The following BFSP1 variants were observed in gnomAD, a reference collection of about 807,000 sequenced individuals.
BFSP1 encodes the protein filensin.
BFSP1 carries 38 observed loss-of-function variants against 43.9 expected under a neutral mutation model. That is an observed-to-expected ratio of 0.87 (90% CI 0.67 to 1.14). BFSP1 has a LOEUF of 1.14. BFSP1 is among the 50% of genes most tolerant of loss of function. BFSP1 has a pLI of 0.00. For missense variants in BFSP1, 850 were observed against 875.1 expected, an observed-to-expected ratio of 0.97 and a Z score of 0.36; for synonymous variants, 352 against 354.8, an observed-to-expected ratio of 0.99 and a Z score of 0.09.
intron 3 of BFSP1, among the ~76,000 whole-genome samples, chr20:17,514,005 C>T (rs1379916476): frequency 6.6e-6 from 1 of 152,224 alleles, no homozygotes; most frequent in Non-Finnish European, 1.5e-5. Context: ...CAACACCCCA[C>T]TACAGGCGGA....
At chr20:17,509,042 GA>G in intron 4 of BFSP1, 46 bp from the exon 5 acceptor site, 6 of 1,415,772 alleles carry the variant, frequency 4.2e-6, no homozygotes, top group East Asian at 2.6e-5. Flanking sequence ...ATGCAGAGAG[GA>G]AAAGGGCAGA....
At chr20:17,566,309 TG>T (rs2035119020) in intron 1 of BFSP1, among the ~76,000 whole-genome samples, 1 of 152,200 alleles carries the variant, frequency 6.6e-6, no homozygotes, top group Non-Finnish European at 1.5e-5. Context: ...TCCTCGTTAA[TG>T]TATCATTTCT....
In BFSP1 at chr20:17,514,742, C is replaced by T. The variant is rs371432346; in HGVS notation, c.513G>A (p.Ala171=). The part of the protein sequence containing the change: ...EAQFLQDDIS[A]AKDRHKKNLL... ...TTACCTTCTTGTGCCTGTCCTTTGCCGCACTGATATCATCTTGCAGAAATT... is the reference window on the plus strand; with the variant it reads ...TTACCTTCTTGTGCCTGTCCTTTGCTGCACTGATATCATCTTGCAGAAATT... Residue 171 remains alanine, a synonymous_variant, in exon 3 of 8, where the codon GCG becomes GCA. Coordinates refer to ENST00000377873, the MANE Select transcript of BFSP1 (RefSeq NM_001195.5). 4.2e-5 allele frequency: 68 copies of T among 1,613,984 alleles called. No individual in the cohort carries two copies. The highest frequency in any genetic ancestry group is 1.3e-4 in the Admixed American group (8 of 60,012).
chr20:17,535,273 G>A (rs529759407), upstream of BFSP1, among the ~76,000 whole-genome samples: 103 of 152,240 alleles, frequency 6.8e-4, 1 homozygote, highest in African/African-American at 2.4e-3. Flanking sequence ...GCTCACGCCT[G>A]TAATCCCAGC....
At chr20:17,550,648 T>C (rs996785317) in intron 1 of BFSP1, among the ~76,000 whole-genome samples, 3 of 152,020 alleles carry the variant, frequency 2.0e-5, no homozygotes, top group Non-Finnish European at 2.9e-5. Flanking sequence ...AATTTTTGTA[T>C]TTTTAGTAGA....
At chr20:17,526,118 T>TTTTTCTG (rs2034414124) in intron 1 of BFSP1, among the ~76,000 whole-genome samples, 1 of 120,842 alleles carries the variant, frequency 8.3e-6, no homozygotes, top group Non-Finnish European at 1.7e-5. Flanking sequence ...CCAGTATCAC[T>TTTTTCTG]TTTTCTGTTT....
intron 1 of BFSP1, among the ~76,000 whole-genome samples, chr20:17,543,826 A>G (rs1481399539): frequency 3.3e-5 from 5 of 152,242 alleles, no homozygotes; most frequent in Admixed American, 1.3e-4. Context: ...TAAATCCTTC[A>G]TGACCCATTA....
intron 5 of BFSP1, chr20:17,506,759 G>A (rs6034838): frequency 0.44 from 66,708 of 151,874 alleles, 15,287 homozygotes; most frequent in African/African-American, 0.59. Context: ...TCCTGGACTC[G>A]AGCAGTCCAC....
upstream of BFSP1, chr20:17,560,455 C>G (rs1225892693): frequency 6.6e-6 from 1 of 152,216 alleles, no homozygotes; most frequent in Non-Finnish European, 1.5e-5. Context: ...CCCAAGGGAA[C>G]TTGGGCCAAG....
chr20:17,504,605 G>A (rs1322922233), intron 5 of BFSP1, among the ~76,000 whole-genome samples: 1 of 152,218 alleles, frequency 6.6e-6, no homozygotes, highest in Non-Finnish European at 1.5e-5. Flanking sequence ...TTCCAGAAAG[G>A]AGAGAAGGAA....
upstream of BFSP1, among the ~76,000 whole-genome samples, chr20:17,532,958 A>C (rs141379616): frequency 6.6e-6 from 1 of 152,140 alleles, no homozygotes; most frequent in Non-Finnish European, 1.5e-5. Flanking sequence ...TTACACCAAA[A>C]TATTACCTCA....
chr20:17,545,313 T>TCAA (rs1359093109), intron 1 of BFSP1, among the ~76,000 whole-genome samples: 1 of 152,194 alleles, frequency 6.6e-6, no homozygotes, highest in African/African-American at 2.4e-5. Flanking sequence ...TAACTGGTTG[T>TCAA]GATGGTTATC....
At chr20:17,549,254 T>TAG (rs2034856551) in intron 1 of BFSP1, among the ~76,000 whole-genome samples, 1 of 152,222 alleles carries the variant, frequency 6.6e-6, no homozygotes, top group Non-Finnish European at 1.5e-5. Flanking sequence ...CCTGGTTGTA[T>TAG]TAGTCTGTAC....
chr20:17,559,363 C>G (rs187601163), upstream of BFSP1, among the ~76,000 whole-genome samples: 4 of 152,314 alleles, frequency 2.6e-5, no homozygotes, highest in African/African-American at 9.6e-5. Flanking sequence ...GGATACTTCA[C>G]GAATTGCTAA....
chr20:17,551,872 C>T (rs953287362), intron 1 of BFSP1, among the ~76,000 whole-genome samples: 1 of 151,968 alleles, frequency 6.6e-6, no homozygotes, highest in African/African-American at 2.4e-5. Context: ...GTAATCCCAG[C>T]TATTCAGGAG....
chr20:17,563,885 T>TA (rs998399781), upstream of BFSP1, among the ~76,000 whole-genome samples: 4,348 of 90,650 alleles, frequency 0.048, 88 homozygotes, highest in East Asian at 0.1. Flanking sequence ...AGACCGTGTC[T>TA]AAAAAAAAAA....
intron 3 of BFSP1, 29 bp from the exon 4 acceptor site, chr20:17,512,097 A>G (rs776138508): frequency 6.4e-6 from 10 of 1,552,204 alleles, no homozygotes; most frequent in African/African-American, 1.4e-5. Context: ...CATTCTCATT[A>G]TAAGTTGAGC....
In BFSP1 at chr20:17,494,168, C is replaced by T. The variant is rs371993084; in HGVS notation, c.1904G>A (p.Ser635Asn). Residue 635 changes from serine to asparagine, a missense_variant, in exon 8 of 8, where the codon AGC becomes AAC. Transcript: ENST00000377873. ...AGCGGTTTCTTCATATGTCTGAATGCTCTCCGTGGAAATCTTCTCGATAGA... is the reference window on the plus strand; with the variant it reads ...AGCGGTTTCTTCATATGTCTGAATGTTCTCCGTGGAAATCTTCTCGATAGA... ...VESIEKISTE[S>N]IQTYEETAVI... 9 of 1,614,036 alleles carry T rather than the reference C, an allele frequency of 5.6e-6. No homozygotes were observed. The highest frequency in any genetic ancestry group is 2.2e-5 in the South Asian group (2 of 91,088).
At chr20:17,567,218 C>T (rs759760243) in intron 1 of BFSP1, among the ~76,000 whole-genome samples, 39 of 152,126 alleles carry the variant, frequency 2.6e-4, no homozygotes, top group African/African-American at 9.2e-4. Context: ...GGGGGCTCAT[C>T]TTAAGTTATG....
Sources: allele counts gnomAD v4.1 joint callset (sites outside exome capture counted in the v4.1 genomes callset), GRCh38; gene constraint gnomAD v4.1.1; transcripts MANE v1.5; gene names NCBI Gene and HGNC (gene_info 2026-07-23, HGNC 2026-07-21).